Variants in DISC1 observed in about 807,000 individuals in gnomAD.
DISC1 encodes DISC1 scaffold protein.
In DISC1, 57 loss-of-function variants were observed where a neutral mutation model predicts 84.5. The ratio of observed to expected loss-of-function variants is 0.67; its 90% CI spans 0.55 to 0.84. The LOEUF is 0.84. DISC1 is among the 40% of genes least tolerant of loss of function. The probability of loss-of-function intolerance (pLI) is 0.00; values close to 1 mark genes in which losing one functional copy is unlikely to be tolerated. For missense variants in DISC1, 1,000 were observed against 1,057.8 expected, an observed-to-expected ratio of 0.95 and a Z score of 0.76; for synonymous variants, 411 against 415.2, an observed-to-expected ratio of 0.99 and a Z score of 0.12.
intron 1 of DISC1, among the ~76,000 whole-genome samples, chr1:231,666,790 C>G (rs1203799547): frequency 6.6e-6 from 1 of 152,102 alleles, no homozygotes; most frequent in Non-Finnish European, 1.5e-5. Flanking sequence ...GTAATGGGCT[C>G]TGAGGAGGAC....
chr1:231,850,089 G>A (rs1039039123), intron 9 of DISC1, among the ~76,000 whole-genome samples: 1 of 152,148 alleles, frequency 6.6e-6, no homozygotes, highest in African/African-American at 2.4e-5. Context: ...TTGTGAAAGA[G>A]TAAATGCCTG....
At chr1:231,890,008 T>C (rs1433562484) in intron 9 of DISC1, among the ~76,000 whole-genome samples, 3 of 152,220 alleles carry the variant, frequency 2.0e-5, no homozygotes, top group Non-Finnish European at 4.4e-5. Flanking sequence ...TCTGTATTTG[T>C]TGTTCTAGTA....
At chr1:231,701,653 CT>C (rs1201788867) in intron 2 of DISC1, among the ~76,000 whole-genome samples, 3 of 151,912 alleles carry the variant, frequency 2.0e-5, no homozygotes, top group African/African-American at 7.3e-5. Flanking sequence ...ATTTGTATTC[CT>C]TCTCATTATG....
At chr1:231,850,340 A>G (rs72760442) in intron 9 of DISC1, among the ~76,000 whole-genome samples, 26,713 of 152,238 alleles carry the variant, frequency 0.18, 2,448 homozygotes, top group Middle Eastern at 0.3. Flanking sequence ...TGAGTTACCA[A>G]TGACGCCAGA....
At chr1:231,777,393 T>A (rs1454303583) in intron 6 of DISC1, among the ~76,000 whole-genome samples, 3 of 152,132 alleles carry the variant, frequency 2.0e-5, no homozygotes, top group Non-Finnish European at 2.9e-5. Context: ...GCTAATTTTT[T>A]AATTTTTTAT....
chr1:231,992,967 C>A (rs1006080930), intron 10 of DISC1, among the ~76,000 whole-genome samples: 31 of 152,166 alleles, frequency 2.0e-4, no homozygotes, highest in African/African-American at 7.2e-4. Flanking sequence ...TAGAAGAGGG[C>A]GTCTGTAGAC....
At chr1:231,751,108 T>C (rs2074560627) in intron 4 of DISC1, among the ~76,000 whole-genome samples, 1 of 152,248 alleles carries the variant, frequency 6.6e-6, no homozygotes, top group Admixed American at 6.5e-5. Context: ...TTCTCCTCAA[T>C]AGAGAGTGAA....
chr1:231,679,642 C>T (rs1558312677), intron 1 of DISC1, among the ~76,000 whole-genome samples: 1 of 152,184 alleles, frequency 6.6e-6, no homozygotes, highest in Admixed American at 6.5e-5. Context: ...CAAGATGATT[C>T]TGTAATGGAG....
chr1:231,951,257 G>T (rs941803251), intron 9 of DISC1, among the ~76,000 whole-genome samples: 3 of 152,152 alleles, frequency 2.0e-5, no homozygotes, highest in African/African-American at 7.2e-5. Flanking sequence ...GGCTATTAGG[G>T]CAGTGATGGA....
intron 4 of DISC1, among the ~76,000 whole-genome samples, chr1:231,760,192 G>A (rs545913480): frequency 6.6e-6 from 1 of 152,250 alleles, no homozygotes; most frequent in Non-Finnish European, 1.5e-5. Context: ...ATATATGGAA[G>A]AATTATAAAG....
intron 9 of DISC1, among the ~76,000 whole-genome samples, chr1:231,949,119 C>T (rs190122602): frequency 6.5e-4 from 99 of 152,200 alleles, no homozygotes; most frequent in African/African-American, 2.0e-3. Flanking sequence ...CCACCTGCCT[C>T]GGCCTCACAA....
intron 3 of DISC1, among the ~76,000 whole-genome samples, chr1:231,705,579 A>G (rs1459607889): frequency 2.0e-5 from 3 of 152,086 alleles, no homozygotes; most frequent in African/African-American, 7.3e-5. Flanking sequence ...GAAATGGATC[A>G]CAAAAGGGCT....
chr1:231,886,785 TTCTTTC>T (rs2086758785), intron 9 of DISC1, among the ~76,000 whole-genome samples: 1 of 135,658 alleles, frequency 7.4e-6, no homozygotes, highest in African/African-American at 2.7e-5. Flanking sequence ...CTTTCTTTCT[TTCTTTC>T]TTTCTTTCTT....
chr1:232,008,679 G>C (rs1033989922), intron 10 of DISC1, 106 bp from the exon 11 acceptor site: 17 of 1,325,204 alleles, frequency 1.3e-5, no homozygotes, highest in Non-Finnish European at 1.7e-5. Context: ...AAGTCATCAA[G>C]TATAAGATGA....
intron 11 of DISC1, among the ~76,000 whole-genome samples, chr1:232,024,165 G>C (rs79639786): frequency 6.6e-6 from 1 of 151,926 alleles, no homozygotes; most frequent in Non-Finnish European, 1.5e-5. Flanking sequence ...TCACACTAAA[G>C]TTCCTTTAAT....
chr1:231,859,457 G>A (rs1356822411), intron 9 of DISC1, among the ~76,000 whole-genome samples: 2 of 152,198 alleles, frequency 1.3e-5, no homozygotes, highest in Non-Finnish European at 2.9e-5. Context: ...TCTGGAAGGG[G>A]CGAGGGAGCT....
At chr1:231,700,541 A>G (rs982309281) in intron 2 of DISC1, among the ~76,000 whole-genome samples, 27 of 152,338 alleles carry the variant, frequency 1.8e-4, no homozygotes, top group African/African-American at 6.3e-4. Flanking sequence ...TCAACAGTAG[A>G]CTATTAGTAG....
At chr1:231,763,507 G>A (rs1373995536) in intron 4 of DISC1, among the ~76,000 whole-genome samples, 1 of 152,088 alleles carries the variant, frequency 6.6e-6, no homozygotes, top group Admixed American at 6.6e-5. Flanking sequence ...CAGAGAATCC[G>A]ATCTTTTTGG....
chr1:231,860,331 T>C (rs763803667), intron 9 of DISC1, among the ~76,000 whole-genome samples: 4 of 152,034 alleles, frequency 2.6e-5, no homozygotes, highest in Non-Finnish European at 5.9e-5. Flanking sequence ...CTGTTTTAGA[T>C]CTAGGATTTT....
Sources: allele counts gnomAD v4.1 joint callset (sites outside exome capture counted in the v4.1 genomes callset), GRCh38; gene constraint gnomAD v4.1.1; transcripts MANE v1.5; gene names NCBI Gene and HGNC (gene_info 2026-07-23, HGNC 2026-07-21).